PAPSS1: variants seen among roughly 807,000 people sequenced by gnomAD.
PAPSS1 encodes bifunctional 3'-phosphoadenosine 5'-phosphosulfate synthase 1.
Under a neutral mutation model 72.0 loss-of-function variants are expected in PAPSS1, and 50 were observed. The ratio of observed to expected loss-of-function variants is 0.69; its 90% CI spans 0.55 to 0.88. PAPSS1 has a LOEUF of 0.88. PAPSS1 is among the 40% of genes least tolerant of loss of function. The pLI, the probability that PAPSS1 is intolerant of heterozygous loss-of-function variation, is 0.00. For missense variants in PAPSS1, 657 were observed against 782.2 expected (o/e 0.84, Z 1.91); for synonymous variants, 261 against 263.6 (o/e 0.99, Z 0.09).
chr4:107,656,822 A>C, intron 7 of PAPSS1, 74 bp downstream of exon 7: 2 of 1,055,194 alleles, frequency 1.9e-6, no homozygotes, highest in Non-Finnish European at 3.0e-6. Flanking sequence ...ACTTTTTGTA[A>C]ACAGTGACAA....
intron 11 of PAPSS1, among the ~76,000 whole-genome samples, chr4:107,615,517 A>T (rs772428076): frequency 7.2e-5 from 11 of 152,228 alleles, no homozygotes; most frequent in Non-Finnish European, 1.3e-4. Context: ...CAAACCTAGA[A>T]GGAAATAATT....
At chr4:107,689,617 T>G (rs1722866748) in intron 3 of PAPSS1, among the ~76,000 whole-genome samples, 1 of 152,200 alleles carries the variant, frequency 6.6e-6, no homozygotes, top group South Asian at 2.1e-4. Flanking sequence ...AACTATCCTT[T>G]TAAAGGAAAG....
chr4:107,641,348 T>A (rs1462845102), intron 10 of PAPSS1, among the ~76,000 whole-genome samples: 2 of 152,176 alleles, frequency 1.3e-5, no homozygotes, highest in African/African-American at 4.8e-5. Context: ...TAATTTTCCA[T>A]CCACTTACCT....
chr4:107,630,703 T>C (rs1726205558), intron 11 of PAPSS1, among the ~76,000 whole-genome samples: 1 of 152,218 alleles, frequency 6.6e-6, no homozygotes, highest in Non-Finnish European at 1.5e-5. Context: ...GTTGTGCTGT[T>C]AATGATTAAG....
chr4:107,657,975 G>T (rs1358514327), intron 6 of PAPSS1, among the ~76,000 whole-genome samples: 3 of 152,064 alleles, frequency 2.0e-5, no homozygotes, highest in African/African-American at 7.2e-5. Context: ...ACTAGGGCTG[G>T]CTGGAGAAAA....
At chr4:107,646,377 CTTTT>C (rs1157533696) in intron 9 of PAPSS1, among the ~76,000 whole-genome samples, 4 of 142,546 alleles carry the variant, frequency 2.8e-5, no homozygotes, top group African/African-American at 7.7e-5. Context: ...GTTTTGTCCA[CTTTT>C]TTTTTTTTTG....
intron 4 of PAPSS1, among the ~76,000 whole-genome samples, chr4:107,682,564 A>G (rs948199547): frequency 6.6e-6 from 1 of 152,240 alleles, no homozygotes; most frequent in African/African-American, 2.4e-5. Flanking sequence ...ATTCATAAAT[A>G]TCAAATCCAC....
intron 1 of PAPSS1, among the ~76,000 whole-genome samples, chr4:107,703,006 A>G (rs897930589): frequency 3.3e-5 from 5 of 152,128 alleles, no homozygotes; most frequent in Admixed American, 6.6e-5. Flanking sequence ...CATCCTCACC[A>G]ACACTTTTGT....
At chr4:107,717,632 T>G (rs1404526767) in intron 1 of PAPSS1, among the ~76,000 whole-genome samples, 1 of 152,152 alleles carries the variant, frequency 6.6e-6, no homozygotes, top group African/African-American at 2.4e-5. Flanking sequence ...CCCTCAGAAA[T>G]GTAACAAAAA....
chr4:107,654,643 C>A, intron 8 of PAPSS1, 52 bp downstream of exon 8: 1 of 1,441,298 alleles, frequency 6.9e-7, no homozygotes, highest in Non-Finnish European at 9.7e-7. Flanking sequence ...CACATTTCAG[C>A]ACAAACATCA....
In PAPSS1 at chr4:107,653,754, A is replaced by G. The variant is rs186248587; in HGVS notation, c.1102-128T>C. 369 of 590,494 alleles carry G rather than the reference A, an allele frequency of 6.2e-4. 2 individuals carry two copies. Among genetic ancestry groups the G allele is most frequent in the Middle Eastern group, 4.2e-3 (14 of 3,356 alleles). The allele number at this position is 590,494 out of a possible 1,614,324, so 36.6% of individuals were successfully genotyped here. On this transcript the variant is annotated intron_variant, in intron 8 of 11. Transcript: ENST00000265174. ...TTAAATGAGGTAAATCTGACTTATC[A>G]ACTAAATTGACATTAGAGATGCTAT... is the stretch of plus-strand genomic sequence containing the variant.
At chr4:107,629,335 T>C (rs1433268089) in intron 11 of PAPSS1, among the ~76,000 whole-genome samples, 1 of 152,214 alleles carries the variant, frequency 6.6e-6, no homozygotes, top group Non-Finnish European at 1.5e-5. Context: ...ATGTTGGAGA[T>C]GATGCCCATA....
At chr4:107,632,341 A>G (rs1726244236) in intron 10 of PAPSS1, among the ~76,000 whole-genome samples, 1 of 152,084 alleles carries the variant, frequency 6.6e-6, no homozygotes, top group Admixed American at 6.6e-5. Flanking sequence ...AAGTTCATTG[A>G]GATATATACA....
chr4:107,630,922 T>A (rs867749374), intron 11 of PAPSS1, among the ~76,000 whole-genome samples: 21 of 152,116 alleles, frequency 1.4e-4, no homozygotes, highest in African/African-American at 4.8e-4. Context: ...AATCTGAAAA[T>A]TTTTGAGCAC....
chr4:107,625,701 G>A (rs1339318302), intron 11 of PAPSS1, among the ~76,000 whole-genome samples: 1 of 152,146 alleles, frequency 6.6e-6, no homozygotes, highest in Non-Finnish European at 1.5e-5. Flanking sequence ...ACTTTAAGTG[G>A]TGCTTTGTTA....
At chr4:107,693,302 T>C (rs1722989405) in intron 3 of PAPSS1, among the ~76,000 whole-genome samples, 1 of 152,196 alleles carries the variant, frequency 6.6e-6, no homozygotes, top group Admixed American at 6.5e-5. Flanking sequence ...CATAATTTTT[T>C]CAGAGAAATA....
intron 2 of PAPSS1, among the ~76,000 whole-genome samples, chr4:107,696,573 G>T (rs1490522009): frequency 6.6e-6 from 1 of 152,046 alleles, no homozygotes; most frequent in Admixed American, 6.6e-5. Context: ...TGGGGAGGTG[G>T]AGGCCTCCCA....
chr4:107,674,604 G>A (rs1727585437), intron 5 of PAPSS1, among the ~76,000 whole-genome samples: 1 of 152,108 alleles, frequency 6.6e-6, no homozygotes, highest in Non-Finnish European at 1.5e-5. Context: ...ACACCTCACT[G>A]TCAACATTAG....
At chr4:107,660,696 T>C (rs1727156255) in intron 5 of PAPSS1, among the ~76,000 whole-genome samples, 1 of 152,200 alleles carries the variant, frequency 6.6e-6, no homozygotes, top group Admixed American at 6.5e-5. Context: ...ACATAACCAT[T>C]TACATACTGC....
Sources: allele counts gnomAD v4.1 joint callset (sites outside exome capture counted in the v4.1 genomes callset), GRCh38; gene constraint gnomAD v4.1.1; transcripts MANE v1.5; gene names NCBI Gene and HGNC (gene_info 2026-07-23, HGNC 2026-07-21).